XG: variants seen among roughly 807,000 people sequenced by gnomAD.
The protein encoded by XG is glycoprotein Xg.
In XG, 24 loss-of-function variants were observed where a neutral mutation model predicts 25.7. That is an observed-to-expected ratio of 0.93 (90% CI 0.68 to 1.31). XG has a LOEUF of 1.31. XG is among the 40% of genes most tolerant of loss of function. The pLI, the probability that XG is intolerant of heterozygous loss-of-function variation, is 0.00. For synonymous variants in XG, 77 were observed against 69.2 expected (o/e 1.11, Z -0.56); for missense variants, 181 against 187.6 (o/e 0.96, Z 0.21).
intron 3 of XG, among the ~76,000 whole-genome samples, chrX:2,777,667 G>A (rs2051030054): frequency 6.6e-6 from 1 of 152,130 alleles, no homozygotes; most frequent in South Asian, 2.1e-4. Context: ...TAAAAAAGAA[G>A]AAAAGTAAAA....
chrX:2,770,620 T>G, intron 2 of XG, 29 bp downstream of exon 2: 1 of 1,613,488 alleles, frequency 6.2e-7, no homozygotes, highest in Non-Finnish European at 8.5e-7. Flanking sequence ...AGGGGAGCCT[T>G]CCCTTTTCAG....
At chrX:2,766,908 C>A (rs2050712191) in intron 1 of XG, among the ~76,000 whole-genome samples, 1 of 151,982 alleles carries the variant, frequency 6.6e-6, no homozygotes, top group Non-Finnish European at 1.5e-5. Flanking sequence ...AAGTTAGATT[C>A]CTGTTTTTAG....
intron 5 of XG, among the ~76,000 whole-genome samples, chrX:2,790,505 GAA>G (rs55649691): frequency 2.5e-5 from 2 of 79,724 alleles, no homozygotes. Context: ...GTCTCAAAAG[GAA>G]AAAAAAAAAA....
intron 2 of XG, 101 bp downstream of exon 2, chrX:2,770,692 A>G: frequency 2.1e-6 from 3 of 1,439,688 alleles, no homozygotes; most frequent in South Asian, 2.3e-5. Context: ...AGTGTTGGGA[A>G]TTTCTTGGTC....
At chrX:2,776,054 C>A (rs1287907592) in intron 3 of XG, among the ~76,000 whole-genome samples, 1 of 151,932 alleles carries the variant, frequency 6.6e-6, no homozygotes, top group Non-Finnish European at 1.5e-5. Context: ...CTTTGGGAGG[C>A]CAAGGCGGGT....
chrX:2,810,932 T>G (rs761260705), intron 9 of XG, among the ~76,000 whole-genome samples: 2 of 15,938 alleles, frequency 1.3e-4, no homozygotes, highest in Non-Finnish European at 3.6e-4. Context: ...TAATAAGAAA[T>G]AAATAAATAA....
At chrX:2,774,621 C>T (rs2050934145) in intron 2 of XG, 95 bp from the exon 3 acceptor site, 1 of 1,371,094 alleles carries the variant, frequency 7.3e-7, no homozygotes, top group Admixed American at 1.7e-5. Flanking sequence ...TTTGTCACTC[C>T]CTTTTCACCT....
chrX:2,803,650 G>A (rs1470940473), intron 7 of XG, among the ~76,000 whole-genome samples: 14 of 109,435 alleles, frequency 1.3e-4, no homozygotes, highest in African/African-American at 4.7e-4. Context: ...GGTGGATGGC[G>A]GAACTGGTTG....
At chrX:2,785,157 C>T (rs1361366504) in intron 4 of XG, among the ~76,000 whole-genome samples, 1 of 112,137 alleles carries the variant, frequency 8.9e-6, no homozygotes, top group Non-Finnish European at 1.9e-5. Context: ...TCTTCTAAGT[C>T]CTTGATCGGC....
chrX:2,774,438 C>T (rs976058857), intron 2 of XG, among the ~76,000 whole-genome samples: 23 of 147,674 alleles, frequency 1.6e-4, no homozygotes, highest in African/African-American at 5.0e-4. Context: ...GGTGGCTCTA[C>T]GGGCAGGTGG....
Position 2,814,641 on chromosome X carries a change from C to T in XG, c.*261C>T. ...ATGTTGGTTTGGCTATTCATTTGCA[C>T]AAAGAGACTGTGGCTCTCTGTTGTG... On this transcript the variant is annotated 3_prime_UTR_variant, in exon 11 of 11. Coordinates refer to ENST00000644266, the MANE Select transcript of XG (RefSeq NM_001141919.2). 1 of 335,326 alleles carries T rather than the reference C, an allele frequency of 3.0e-6. No individual in the cohort carries two copies. The highest frequency in any genetic ancestry group is 5.1e-6 in the Non-Finnish European group (1 of 195,989). The allele number at this position is 335,326 out of a possible 1,213,427, so 27.6% of individuals were successfully genotyped here.
intron 4 of XG, among the ~76,000 whole-genome samples, chrX:2,784,569 CAAAA>C (rs71866753): frequency 2.6e-4 from 14 of 53,210 alleles, no homozygotes; most frequent in Admixed American, 2.7e-4. Context: ...GACTCCGTCT[CAAAA>C]AAAAAAAAAA....
chrX:2,808,572 A>G, intron 9 of XG: 1 of 753,523 alleles, frequency 1.3e-6, no homozygotes, highest in Non-Finnish European at 1.6e-6. Flanking sequence ...GGACAGGAGA[A>G]AGGAAGGTAT....
At chrX:2,783,284 A>T (rs2086749431) in intron 4 of XG, among the ~76,000 whole-genome samples, 1 of 97,968 alleles carries the variant, frequency 1.0e-5, no homozygotes, top group Middle Eastern at 4.5e-3. Flanking sequence ...CCACAGATTT[A>T]TTACACTCAT....
intron 3 of XG, among the ~76,000 whole-genome samples, chrX:2,779,862 G>C (rs2051080811): frequency 6.6e-6 from 1 of 152,024 alleles, no homozygotes. Flanking sequence ...GTCCAGGCTG[G>C]TTTCGAACTC....
At chrX:2,796,072 CATAT>C (rs2086882921) in intron 6 of XG, among the ~76,000 whole-genome samples, 1 of 106,804 alleles carries the variant, frequency 9.4e-6, no homozygotes, top group Non-Finnish European at 1.9e-5. Flanking sequence ...TACATTTATA[CATAT>C]ATAATTATAT....
At chrX:2,764,275 C>T (rs1415127964) in intron 1 of XG, among the ~76,000 whole-genome samples, 3 of 152,168 alleles carry the variant, frequency 2.0e-5, no homozygotes, top group East Asian at 3.9e-4. Context: ...TACAAATGGG[C>T]AACCAGTGGC....
At chrX:2,777,557 C>T (rs1379919862) in intron 3 of XG, among the ~76,000 whole-genome samples, 1 of 151,958 alleles carries the variant, frequency 6.6e-6, no homozygotes, top group African/African-American at 2.4e-5. Flanking sequence ...TGCGCCACTG[C>T]ACTTCCGCCT....
chrX:2,774,226 C>T (rs979644347), intron 2 of XG, among the ~76,000 whole-genome samples: 1 of 152,124 alleles, frequency 6.6e-6, no homozygotes, highest in African/African-American at 2.4e-5. Context: ...CACTGCACAC[C>T]CAGGTTCACT....
Sources: gnomAD v4.1 joint callset for allele counts (sites outside exome capture counted in the v4.1 genomes callset) on GRCh38, gnomAD v4.1.1 for gene constraint, MANE v1.5 for transcripts, NCBI Gene and HGNC (gene_info 2026-07-23, HGNC 2026-07-21) for gene names.